TBCD: variants seen among roughly 807,000 people sequenced by gnomAD.
TBCD encodes the protein tubulin-specific chaperone D.
In TBCD, 105 loss-of-function variants were observed where a neutral mutation model predicts 169.3. The observed-to-expected ratio is 0.62, with a 90% CI of 0.53 to 0.73. The LOEUF (loss-of-function observed/expected upper bound fraction) is 0.73. Among genes scored for constraint, TBCD ranks in the 30% least tolerant of loss-of-function variants. The pLI, the probability that TBCD is intolerant of heterozygous loss-of-function variation, is 0.00. For synonymous variants in TBCD, 700 were observed against 643.9 expected (o/e 1.09, Z -1.32); for missense variants, 1,444 against 1,600.1 (o/e 0.90, Z 1.66).
rs1201872860 is a variant in TBCD, at chr17:82,943,138, A to G, written c.*675A>G. Reference sequence around the variant, plus strand: ...CTGCAAGGGGAATCGTCAGAGTCCAATGTGTGCCTCTACAGTAATGTCGGA... The same window carrying G: ...CTGCAAGGGGAATCGTCAGAGTCCAGTGTGTGCCTCTACAGTAATGTCGGA... On this transcript the variant is annotated 3_prime_UTR_variant, in exon 39 of 39. Transcript: ENST00000355528. 1 of 152,860 alleles carries G rather than the reference A, an allele frequency of 6.5e-6. No homozygotes were observed. Among genetic ancestry groups the G allele is most frequent in the African/African-American group, 2.4e-5 (1 of 41,462 alleles). 9.5% of individuals were successfully genotyped at this position (152,860 alleles called of 1,614,324 possible).
chr17:82,830,742 C>T (rs2053423907), intron 13 of TBCD: 1 of 1,613,822 alleles, frequency 6.2e-7, no homozygotes, highest in Non-Finnish European at 8.5e-7. Flanking sequence ...GGGTGGCTGC[C>T]AGGTTTATCT....
rs565738422 is a variant in TBCD at position 82,838,804 on chromosome 17, C to T, written c.1318+23870C>T. 6.3e-5 allele frequency: 62 copies of T among 985,406 alleles called. 1 individual carries two copies. In the East Asian group the frequency reaches 4.8e-3, roughly 76 times the overall value. 61.0% of individuals were successfully genotyped at this position (985,406 alleles called of 1,614,324 possible). ...AACCAGGGGCTCTTAACTCTAGTTT[C>T]GGCAGGAGATCCCGAGTTACAGACC... On this transcript the variant is annotated intron_variant, in intron 13 of 38. Coordinates refer to ENST00000355528, the MANE Select transcript of TBCD (RefSeq NM_005993.5).
rs2063497177 is a variant in TBCD, at chr17:82,943,937, G to A, written c.*1474G>A. On this transcript the variant is annotated 3_prime_UTR_variant, in exon 39 of 39. Coordinates refer to ENST00000355528, the MANE Select transcript of TBCD (RefSeq NM_005993.5). Reference sequence around the variant, plus strand: ...CACATGAGTCCACACAGTGGAAAAGGCTTGGCTCCTGTGGTCGGCACACAC... The same window carrying A: ...CACATGAGTCCACACAGTGGAAAAGACTTGGCTCCTGTGGTCGGCACACAC... 1 of 152,258 alleles carries A rather than the reference G, an allele frequency of 6.6e-6. No individual in the cohort carries two copies. The highest frequency in any genetic ancestry group is 2.1e-4 in the South Asian group (1 of 4,822). 9.4% of individuals were successfully genotyped at this position (152,258 alleles called of 1,614,324 possible).
intron 13 of TBCD, among the ~76,000 whole-genome samples, chr17:82,828,475 C>T (rs1476640307): frequency 6.9e-6 from 1 of 144,842 alleles, no homozygotes; most frequent in Non-Finnish European, 1.5e-5. Context: ...CACAGATACA[C>T]ACACGTGCAC....
In TBCD at chr17:82,830,608, G is replaced by C; in HGVS notation, c.1318+15674G>C. 1.2e-6 allele frequency: 2 copies of C among 1,614,058 alleles called. No individual in the cohort carries two copies. The highest frequency in any genetic ancestry group is 1.7e-6 in the Non-Finnish European group (2 of 1,179,956). On this transcript the variant is annotated intron_variant, in intron 13 of 38. Coordinates refer to ENST00000355528, the MANE Select transcript of TBCD (RefSeq NM_005993.5). Reference sequence around the variant, plus strand: ...AGGTTCTGCAGCTCGTGGTCGACCGGGGAAGGCAGGCCTCGGAGCCTGGGT... The same window carrying C: ...AGGTTCTGCAGCTCGTGGTCGACCGCGGAAGGCAGGCCTCGGAGCCTGGGT...
intron 20 of TBCD, among the ~76,000 whole-genome samples, chr17:82,906,645 A>G (rs1045395042): frequency 9.9e-5 from 15 of 152,256 alleles, no homozygotes; most frequent in African/African-American, 3.6e-4. Flanking sequence ...CGGACTTACC[A>G]TAGTGACGGC....
chr17:82,790,208 C>A (rs796205722), intron 7 of TBCD, among the ~76,000 whole-genome samples: 8 of 152,302 alleles, frequency 5.3e-5, no homozygotes, highest in African/African-American at 1.9e-4. Context: ...CCCGACTACC[C>A]TCCCGCCTCT....
intron 13 of TBCD, among the ~76,000 whole-genome samples, chr17:82,822,651 C>T (rs974867529): frequency 8.6e-5 from 13 of 152,036 alleles, no homozygotes; most frequent in Non-Finnish European, 1.6e-4. Flanking sequence ...AAAGGAAGAG[C>T]GAGGGAGAGT....
At chr17:82,881,594 C>T (rs1322954967) in intron 14 of TBCD, among the ~76,000 whole-genome samples, 4 of 152,286 alleles carry the variant, frequency 2.6e-5, no homozygotes, top group South Asian at 2.1e-4. Flanking sequence ...TGGGGTACCC[C>T]GTGCCTACGT....
intron 13 of TBCD, among the ~76,000 whole-genome samples, chr17:82,836,769 A>G (rs575817101): frequency 6.6e-6 from 1 of 152,372 alleles, no homozygotes; most frequent in East Asian, 1.9e-4. Flanking sequence ...AGATTTTCTC[A>G]AAAGCTTTAC....
intron 13 of TBCD, chr17:82,858,670 G>A (rs2056511548): frequency 3.0e-6 from 3 of 985,184 alleles, no homozygotes; most frequent in Non-Finnish European, 2.4e-6. Flanking sequence ...TGCCTGAGGT[G>A]AGGTTCCTGT....
At chr17:82,938,511 C>CA (rs553994096) in intron 36 of TBCD, among the ~76,000 whole-genome samples, 7 of 151,748 alleles carry the variant, frequency 4.6e-5, no homozygotes, top group Non-Finnish European at 5.9e-5. Context: ...CTCCTGGCTG[C>CA]AAAAAAAACC....
At chr17:82,927,040 G>A in intron 28 of TBCD, 146 bp from the exon 29 acceptor site, 1 of 1,105,716 alleles carries the variant, frequency 9.0e-7, no homozygotes, top group Non-Finnish European at 1.3e-6. Context: ...ACATGTGGAA[G>A]GAGCTCTGTG....
rs936229706 is a variant in TBCD at position 82,782,111 on chromosome 17, C to T, written c.771+390C>T. On this transcript the variant is annotated intron_variant, in intron 7 of 38. Coordinates refer to ENST00000355528, the MANE Select transcript of TBCD (RefSeq NM_005993.5). The surrounding 1 kb of genome is among the most constrained non-coding windows in gnomAD (Gnocchi z 5.1). ...TGATTCTGTTCCTTTGCACTGGGCT[C>T]GGGTTGGATGTTCCTGACTGCTTCG... Among the ~76,000 whole-genome samples, 6 of 152,226 alleles carry T rather than the reference C, an allele frequency of 3.9e-5. No individual in the cohort carries two copies. The highest frequency in any genetic ancestry group is 2.1e-4 in the South Asian group (1 of 4,834).
intron 12 of TBCD, among the ~76,000 whole-genome samples, chr17:82,812,631 G>A (rs999552503): frequency 1.3e-5 from 2 of 152,150 alleles, no homozygotes; most frequent in African/African-American, 2.4e-5. Context: ...TGCGATCTCC[G>A]CCTCCTGGGT....
intron 20 of TBCD, among the ~76,000 whole-genome samples, chr17:82,906,635 C>T (rs767799782): frequency 1.7e-4 from 26 of 152,212 alleles, no homozygotes; most frequent in Non-Finnish European, 7.3e-5. Flanking sequence ...TAAGAACTCC[C>T]GGACTTACCA....
rs570121263 is a variant in TBCD, at chr17:82,882,572, C to T, written c.1476-1573C>T. ...GAGGAGCGCAGAGAACATGAGGATACGTGAGCCCCTTGCCTGAGAGGTGTG... is the reference window on the plus strand; with the variant it reads ...GAGGAGCGCAGAGAACATGAGGATATGTGAGCCCCTTGCCTGAGAGGTGTG... On this transcript the variant is annotated intron_variant, in intron 14 of 38. Coordinates refer to ENST00000355528, the MANE Select transcript of TBCD (RefSeq NM_005993.5). Among the ~76,000 whole-genome samples the T allele has an allele frequency of 2.0e-3, 299 of 152,354 alleles. 3 individuals are homozygous for T. Among genetic ancestry groups the T allele is most frequent in the African/African-American group, 7.0e-3 (290 of 41,594 alleles).
chr17:82,864,829 G>A lies in TBCD; in HGVS notation c.1319-5395G>A, dbSNP rs2057040141. Among the ~76,000 whole-genome samples, 1 of 70,034 alleles carries A rather than the reference G, an allele frequency of 1.4e-5. No homozygotes were observed. The highest frequency in any genetic ancestry group is 3.2e-5 in the Non-Finnish European group (1 of 31,604). The allele number at this position is 70,034 out of a possible 152,430, so 45.9% of individuals were successfully genotyped here. A position where few individuals can be genotyped will look rare whatever the true frequency, so the allele number is the denominator to read the frequency against. ...GATCACCACTCCCCGGGGCACCGTGGGGACAGCGGGGGCCTGCTCACTCCC... is the reference window on the plus strand; with the variant it reads ...GATCACCACTCCCCGGGGCACCGTGAGGACAGCGGGGGCCTGCTCACTCCC... On this transcript the variant is annotated intron_variant, in intron 13 of 38. Transcript: ENST00000355528. The surrounding 1 kb of genome is among the most constrained non-coding windows in gnomAD (Gnocchi z 6.3).
At chr17:82,916,031 T>C (rs1280861467) in intron 23 of TBCD, among the ~76,000 whole-genome samples, 1 of 152,240 alleles carries the variant, frequency 6.6e-6, no homozygotes, top group East Asian at 1.9e-4. Context: ...CGGATTTACC[T>C]GTACAGATAC....
Sources: gnomAD v4.1 joint callset for allele counts (sites outside exome capture counted in the v4.1 genomes callset) on GRCh38, gnomAD v4.1.1 for gene constraint, Gnocchi (gnomAD v3.1) non-coding constraint, MANE v1.5 for transcripts, NCBI Gene and HGNC (gene_info 2026-07-23, HGNC 2026-07-21) for gene names.